The following SIK3 variants were observed in gnomAD, a reference collection of about 807,000 sequenced individuals.
SIK3 encodes serine/threonine-protein kinase SIK3.
A neutral mutation model predicts 144.2 loss-of-function variants in SIK3; 28 were observed. That is an observed-to-expected ratio of 0.19 (90% CI 0.14 to 0.27). SIK3 has a LOEUF of 0.27. SIK3 is among the 10% of genes least tolerant of loss of function. The pLI is 1.00. For synonymous variants in SIK3, 686 were observed against 676.3 expected, an observed-to-expected ratio of 1.01 and a Z score of -0.22; for missense variants, 1,319 against 1,776.0, an observed-to-expected ratio of 0.74 and a Z score of 4.62.
intron 1 of SIK3, among the ~76,000 whole-genome samples, chr11:117,025,937 C>T (rs1268466135): frequency 6.6e-6 from 1 of 151,922 alleles, no homozygotes; most frequent in Admixed American, 6.6e-5. Flanking sequence ...CCATTGTTAT[C>T]AAATTCTCAA....
At chr11:116,970,063 C>G (rs1326855018) in intron 1 of SIK3, among the ~76,000 whole-genome samples, 1 of 152,150 alleles carries the variant, frequency 6.6e-6, no homozygotes, top group Non-Finnish European at 1.5e-5. Flanking sequence ...ATCGCTTAAG[C>G]CCAGGAGCTT....
intron 1 of SIK3, among the ~76,000 whole-genome samples, chr11:117,082,248 T>C (rs970158521): frequency 4.6e-5 from 7 of 151,804 alleles, no homozygotes; most frequent in African/African-American, 1.7e-4. Flanking sequence ...AAACAAGGAG[T>C]CACCACATGA....
chr11:116,873,804 T>C, intron 12 of SIK3, 99 bp downstream of exon 12: 8 of 1,496,698 alleles, frequency 5.3e-6, no homozygotes, highest in Non-Finnish European at 7.2e-6. Flanking sequence ...TCTTTCTCTA[T>C]AAGTAAACCC....
intron 4 of SIK3, among the ~76,000 whole-genome samples, chr11:116,911,555 A>C (rs893367383): frequency 4.3e-4 from 65 of 152,192 alleles, no homozygotes; most frequent in African/African-American, 1.6e-3. Flanking sequence ...GAAATATAAA[A>C]TTGTAAATAC....
At chr11:117,016,344 A>G (rs1357193013) in intron 1 of SIK3, among the ~76,000 whole-genome samples, 1,841 of 98,628 alleles carry the variant, frequency 0.019, 82 homozygotes, top group African/African-American at 0.072. Context: ...GAAGGAAGGA[A>G]GGAGGGAGGG....
chr11:116,910,512 CA>C (rs1565440527), intron 4 of SIK3, among the ~76,000 whole-genome samples: 1 of 152,052 alleles, frequency 6.6e-6, no homozygotes, highest in African/African-American at 2.4e-5. Context: ...ATCATCTCCC[CA>C]AAACCACAGG....
At chr11:116,975,541 C>T (rs1247243020) in intron 1 of SIK3, among the ~76,000 whole-genome samples, 1 of 152,162 alleles carries the variant, frequency 6.6e-6, no homozygotes, top group Non-Finnish European at 1.5e-5. Context: ...TGTATCAGTA[C>T]TTCATTACTT....
At chr11:117,004,208 C>A (rs538673499) in intron 1 of SIK3, among the ~76,000 whole-genome samples, 1 of 152,014 alleles carries the variant, frequency 6.6e-6, no homozygotes, top group Non-Finnish European at 1.5e-5. Context: ...ACCTTTAGGA[C>A]CATAGGTTGA....
chr11:116,943,411 G>C (rs1948419531), intron 3 of SIK3, among the ~76,000 whole-genome samples: 1 of 152,134 alleles, frequency 6.6e-6, no homozygotes, highest in Non-Finnish European at 1.5e-5. Flanking sequence ...ACTCCTCTAA[G>C]ACTAGCAATT....
At chr11:117,096,444 G>A (rs1375092133) in intron 1 of SIK3, among the ~76,000 whole-genome samples, 1 of 152,208 alleles carries the variant, frequency 6.6e-6, no homozygotes, top group Non-Finnish European at 1.5e-5. Context: ...GTTTGTAAAT[G>A]TAAGTTTGCC....
At position 116,867,229 on chromosome 11, in the gene SIK3, A is replaced by G. The variant is rs973719845; in HGVS notation, c.1952+717T>C. Among the ~76,000 whole-genome samples the G allele has an allele frequency of 4.2e-4, 64 of 152,336 alleles. No individual in the cohort carries two copies. Among genetic ancestry groups the G allele is most frequent in the African/African-American group, 1.4e-3 (57 of 41,580 alleles). On this transcript the variant is annotated intron_variant, in intron 15 of 24. Transcript: ENST00000445177. The surrounding 1 kb of genome is among the most constrained non-coding windows in gnomAD (Gnocchi z 4.1). ...CTTGGGGATAGCTTCGGAGTGGCCA[A>G]GACTGAGATTTTTAGTCATCAAGAT...
intron 1 of SIK3, among the ~76,000 whole-genome samples, chr11:117,051,740 C>A (rs1953254402): frequency 6.6e-6 from 1 of 151,892 alleles, no homozygotes; most frequent in Non-Finnish European, 1.5e-5. Flanking sequence ...TGTTGGCCGA[C>A]CTGGTCTCAA....
At chr11:116,963,459 C>G (rs1195176225) in intron 1 of SIK3, among the ~76,000 whole-genome samples, 2 of 152,206 alleles carry the variant, frequency 1.3e-5, no homozygotes, top group Admixed American at 6.5e-5. Context: ...AACCACACAT[C>G]TCCTTGGTCA....
intron 1 of SIK3, among the ~76,000 whole-genome samples, chr11:116,978,603 A>G (rs565306293): frequency 1.3e-5 from 2 of 152,220 alleles, no homozygotes; most frequent in South Asian, 4.1e-4. Context: ...TCCTGGGCTC[A>G]AGAGATCCTT....
intron 1 of SIK3, among the ~76,000 whole-genome samples, chr11:116,978,914 C>T (rs1016563178): frequency 6.6e-6 from 1 of 152,150 alleles, no homozygotes; most frequent in East Asian, 1.9e-4. Flanking sequence ...TCAGAGGTCA[C>T]CCTTTTATAA....
At chr11:117,066,731 C>T (rs1954039175) in intron 1 of SIK3, among the ~76,000 whole-genome samples, 1 of 151,996 alleles carries the variant, frequency 6.6e-6, no homozygotes, top group Non-Finnish European at 1.5e-5. Flanking sequence ...GACAGAGTGT[C>T]GCTTGTTGCC....
At chr11:116,852,022 T>A (rs1266788661) in intron 21 of SIK3, among the ~76,000 whole-genome samples, 4 of 152,248 alleles carry the variant, frequency 2.6e-5, no homozygotes, top group African/African-American at 9.6e-5. Flanking sequence ...GCAAATCTCA[T>A]CAGTTGCATC....
chr11:116,862,300 C>G lies in SIK3; in HGVS notation c.2131G>C (p.Gly711Arg). The G allele has an allele frequency of 1.2e-6, 2 of 1,614,136 alleles. No homozygotes were observed. Among genetic ancestry groups the G allele is most frequent in the East Asian group, 2.2e-5 (1 of 44,888 alleles). ...AGGGTTCTTTCATCAATCTGCCCCC[C>G]GTACATCTTCTGCAGCTGCTCACAC... The part of the protein sequence containing the change: ...QECEQLQKMY[G>R]GQIDERTLEK... Residue 711 changes from glycine to arginine, a missense_variant, in exon 17 of 25, where the codon GGG becomes CGG. Gly to Arg is a moderately radical substitution (Grantham distance 125). Around this residue, in one of 8 missense-constraint regions of SIK3, gnomAD observed 77 missense variants for 141.9 expected, o/e 0.54. Transcript: ENST00000445177.
At position 116,973,668 on chromosome 11, in the gene SIK3, G is replaced by A. The variant is rs566749978; in HGVS notation, c.274-16604C>T. ...ACACTACCTGAGCCAGGTGATCAAG[G>A]TTAGCATCAACAGTAATAAGTCATG... On this transcript the variant is annotated intron_variant, in intron 1 of 24. Coordinates refer to ENST00000445177, the MANE Select transcript of SIK3 (RefSeq NM_001366686.3). Among the ~76,000 whole-genome samples, 21 of 152,318 alleles carry A rather than the reference G, an allele frequency of 1.4e-4. 1 individual carries two copies. In the South Asian group the frequency reaches 4.1e-3, roughly 30 times the overall value.
Sources: allele counts gnomAD v4.1 joint callset (sites outside exome capture counted in the v4.1 genomes callset), GRCh38; gene constraint gnomAD v4.1.1; regional missense constraint gnomAD v4.1.1; non-coding constraint Gnocchi (gnomAD v3.1); transcripts MANE v1.5; gene names NCBI Gene and HGNC (gene_info 2026-07-23, HGNC 2026-07-21).